ATAD5: variants seen among roughly 807,000 people sequenced by gnomAD.
The protein encoded by ATAD5 is ATPase family AAA domain containing 5, also known as ATPase family AAA domain-containing protein 5.
ATAD5 carries 58 observed loss-of-function variants against 176.9 expected under a neutral mutation model. The observed-to-expected ratio is 0.33, with a 90% CI of 0.27 to 0.41. The LOEUF is 0.41. Ranked by LOEUF, ATAD5 falls within the 10% of genes least tolerant of loss-of-function variation. The pLI is 1.00. For missense variants in ATAD5, 1,789 were observed against 2,094.1 expected (o/e 0.85, Z 2.84); for synonymous variants, 640 against 712.6 (o/e 0.90, Z 1.62).
intron 6 of ATAD5, 26 bp from the exon 7 acceptor site, chr17:30,855,112 GCTTTT>G: frequency 6.5e-7 from 1 of 1,534,446 alleles, no homozygotes; most frequent in East Asian, 2.3e-5. Flanking sequence ...TATAACCTTA[GCTTTT>G]CTTTTTCAAA....
At chr17:30,849,194 T>C (rs951679205) in intron 6 of ATAD5, among the ~76,000 whole-genome samples, 1 of 152,190 alleles carries the variant, frequency 6.6e-6, no homozygotes, top group African/African-American at 2.4e-5. Flanking sequence ...GTAGTATTCA[T>C]TGTATGGATA....
chr17:30,887,133 A>G lies in ATAD5; in HGVS notation c.4078-59A>G, dbSNP rs995223748. The G allele has an allele frequency of 2.2e-6, 3 of 1,391,326 alleles. No homozygotes were observed. In the African/African-American group the frequency reaches 4.4e-5, roughly 21 times the overall value. 86.2% of individuals were successfully genotyped at this position (1,391,326 alleles called of 1,614,324 possible). ...TCACTTTTAGATACTATTTGTATGT[A>G]TTATTGCTGTATCTATTTGAACTCA... On this transcript the variant is annotated intron_variant, in intron 18 of 22. Coordinates refer to ENST00000321990, the MANE Select transcript of ATAD5 (RefSeq NM_024857.5).
At chr17:30,845,580 T>A (rs1218720415) in intron 6 of ATAD5, among the ~76,000 whole-genome samples, 4 of 152,024 alleles carry the variant, frequency 2.6e-5, no homozygotes, top group African/African-American at 9.7e-5. Flanking sequence ...GGGTGAGAGG[T>A]GGGTGCCAGC....
intron 6 of ATAD5, 52 bp from the exon 7 acceptor site, chr17:30,855,091 C>G (rs1303594734): frequency 6.9e-7 from 1 of 1,458,182 alleles, no homozygotes; most frequent in Non-Finnish European, 9.2e-7. Context: ...TAGTTTATTC[C>G]TTTAAATGTT....
chr17:30,834,400 A>C lies in ATAD5; in HGVS notation c.319A>C (p.Asn107His), dbSNP rs1905575139. 2.5e-6 allele frequency: 4 copies of C among 1,602,854 alleles called. No homozygotes were observed. The South Asian group carries it at 4.5e-5, about 18-fold the overall frequency. The change falls in exon 2 of 23, where the codon AAT becomes CAT. Residue 107 changes from asparagine (N) to histidine (H), a missense_variant. Around this residue, in one of 6 missense-constraint regions of ATAD5, gnomAD observed 696 missense variants for 712.5 expected, o/e 0.98. Transcript: ENST00000321990. ...DCTTPLEMFSNVEFKKKRKRV... is the reference protein window; with the variant it reads ...DCTTPLEMFSHVEFKKKRKRV... ...TACGACACCTTTGGAAATGTTCTCAAATGTAGAGTTTAAGAAGAAAAGAAA... is the reference window on the plus strand; with the variant it reads ...TACGACACCTTTGGAAATGTTCTCACATGTAGAGTTTAAGAAGAAAAGAAA...
intron 18 of ATAD5, 118 bp from the exon 19 acceptor site, chr17:30,887,074 A>AT: frequency 1.4e-6 from 1 of 724,600 alleles, no homozygotes; most frequent in Non-Finnish European, 2.2e-6. Context: ...CAAGAAGAGC[A>AT]TTTAAGATAA....
chr17:30,864,652 C>G (rs576787384), intron 10 of ATAD5: 1 of 152,360 alleles, frequency 6.6e-6, no homozygotes, highest in Non-Finnish European at 1.5e-5. Flanking sequence ...GTGTGAGCCA[C>G]CACATGTGGC....
chr17:30,889,652 A>G (rs887767165), intron 19 of ATAD5, among the ~76,000 whole-genome samples: 1 of 151,690 alleles, frequency 6.6e-6, no homozygotes. Flanking sequence ...TACCTTCTCC[A>G]TGCCAGGTCT....
chr17:30,840,118 A>G (rs1325654829), intron 3 of ATAD5, among the ~76,000 whole-genome samples: 1 of 150,316 alleles, frequency 6.7e-6, no homozygotes, highest in Non-Finnish European at 1.5e-5. Context: ...GAATCACTTG[A>G]ACTCGGGAGG....
chr17:30,858,262 C>T lies in ATAD5; in HGVS notation c.2895C>T (p.Pro965=). The T allele has an allele frequency of 1.0e-5, 16 of 1,594,152 alleles. No homozygotes were observed. Among genetic ancestry groups the T allele is most frequent in the Non-Finnish European group, 1.4e-5 (16 of 1,170,288 alleles). Residue 965 remains proline (P), a synonymous_variant, in exon 9 of 23, where the codon CCC becomes CCT. Coordinates refer to ENST00000321990, the MANE Select transcript of ATAD5 (RefSeq NM_024857.5). The part of the protein sequence containing the change: ...NPEFSLKKYF[P]LLLKKQIEHQ... The stretch of plus-strand genomic sequence containing the variant: ...AATTTTCATTGAAAAAATATTTTCC[C>T]TTACTCCTAAAAAAACAAATTGAGC...
chr17:30,833,662 G>A (rs991027086), intron 1 of ATAD5, among the ~76,000 whole-genome samples: 73 of 152,202 alleles, frequency 4.8e-4, no homozygotes, highest in African/African-American at 1.7e-3. Flanking sequence ...ACTGAATGGC[G>A]TTTTTCTAAT....
rs748527162 is a variant in ATAD5 at position 30,893,833 on chromosome 17, T to A, written c.4980T>A (p.Asp1660Glu). 6.2e-7 allele frequency: 1 copy of A among 1,614,010 alleles called. No individual in the cohort carries two copies. The highest frequency in any genetic ancestry group is 8.5e-7 in the Non-Finnish European group (1 of 1,179,912). The change falls in exon 21 of 23, where the codon GAT becomes GAA. Residue 1660 changes from aspartate to glutamate, a missense_variant. Asp to Glu is a conservative substitution (Grantham distance 45). This residue lies in a region of ATAD5 where 403 missense variants were observed against 495.1 expected (regional missense o/e 0.81). Transcript: ENST00000321990. ...SEFMDNMSFL[D>E]ALLTDVREQN... ...TCATGGATAACATGTCCTTCTTAGA[T>A]GCACTTTTAACTGATGTAAGGGAAC... is the stretch of plus-strand genomic sequence containing the variant.
chr17:30,888,037 G>A (rs1011686430), intron 19 of ATAD5, among the ~76,000 whole-genome samples: 2 of 151,626 alleles, frequency 1.3e-5, no homozygotes, highest in Non-Finnish European at 2.9e-5. Context: ...GTTTCATTAT[G>A]TTGGCTAGGC....
intron 18 of ATAD5, among the ~76,000 whole-genome samples, chr17:30,884,631 G>A (rs1459366630): frequency 3.3e-5 from 5 of 150,362 alleles, no homozygotes; most frequent in Non-Finnish European, 7.4e-5. Flanking sequence ...GTTTCACCAT[G>A]TTGGCCAGGC....
intron 12 of ATAD5, among the ~76,000 whole-genome samples, chr17:30,868,806 G>A (rs2058868959): frequency 6.6e-6 from 1 of 150,514 alleles, no homozygotes; most frequent in Non-Finnish European, 1.5e-5. Context: ...ACTGCACCTG[G>A]CCTATAAAAT....
At chr17:30,890,629 G>A (rs1909588252) in intron 19 of ATAD5, among the ~76,000 whole-genome samples, 1 of 151,150 alleles carries the variant, frequency 6.6e-6, no homozygotes, top group Admixed American at 6.6e-5. Flanking sequence ...CACTGAGTTA[G>A]CCAGGATGGT....
chr17:30,891,084 CTG>C (rs1390292601), intron 19 of ATAD5, among the ~76,000 whole-genome samples: 1 of 152,028 alleles, frequency 6.6e-6, no homozygotes, highest in East Asian at 1.9e-4. Flanking sequence ...TTGAAAATGT[CTG>C]TAATATTGAT....
At position 30,894,839 on chromosome 17, in the gene ATAD5, C is replaced by T. The variant is rs1909829771; in HGVS notation, c.5461C>T (p.Leu1821=). 1 of 1,585,994 alleles carries T rather than the reference C, an allele frequency of 6.3e-7. No individual in the cohort carries two copies. The highest frequency in any genetic ancestry group is 1.4e-5 in the African/African-American group (1 of 73,020). ...KEQGKSKRRF[L]HYFEGIHLDI... is the part of the protein sequence containing the mutation. ...TTTTCTTTGTAATTTTGACAGATTC[C>T]TGCACTATTTTGAAGGAATTCATCT... is the stretch of plus-strand genomic sequence containing the variant. The change falls in exon 23 of 23, where the codon CTG becomes TTG. Residue 1821 remains leucine, a synonymous_variant. Coordinates refer to ENST00000321990, the MANE Select transcript of ATAD5 (RefSeq NM_024857.5).
chr17:30,885,647 T>G, intron 18 of ATAD5, among the ~76,000 whole-genome samples: 1 of 121,972 alleles, frequency 8.2e-6, no homozygotes, highest in East Asian at 2.3e-4. Context: ...TTTTTTTTTT[T>G]GGTTGAGATG....
Sources: gnomAD v4.1 joint callset for allele counts (sites outside exome capture counted in the v4.1 genomes callset) on GRCh38, gnomAD v4.1.1 for gene constraint, gnomAD v4.1.1 regional missense constraint, MANE v1.5 for transcripts, NCBI Gene and HGNC (gene_info 2026-07-23, HGNC 2026-07-21) for gene names.